The following SIRT1 variants were observed in gnomAD, a reference collection of about 807,000 sequenced individuals.
SIRT1 encodes the protein sirtuin 1, also known as NAD-dependent protein deacetylase sirtuin-1.
A neutral mutation model predicts 67.9 loss-of-function variants in SIRT1; 24 were observed. The ratio of observed to expected loss-of-function variants is 0.35; its 90% CI spans 0.26 to 0.50. SIRT1 has a LOEUF of 0.50. Ranked by LOEUF, SIRT1 falls within the 20% of genes least tolerant of loss-of-function variation. The pLI is 0.98. For synonymous variants in SIRT1, 378 were observed against 350.7 expected (o/e 1.08, Z -0.87); for missense variants, 873 against 937.2 (o/e 0.93, Z 0.89).
intron 4 of SIRT1, among the ~76,000 whole-genome samples, chr10:67,895,989 G>A (rs1436893832): frequency 1.3e-5 from 2 of 151,900 alleles, no homozygotes; most frequent in African/African-American, 4.8e-5. Flanking sequence ...TGATCCGCCC[G>A]CCTAGGCCAA....
intron 4 of SIRT1, among the ~76,000 whole-genome samples, chr10:67,893,016 T>C (rs1842597716): frequency 6.6e-6 from 1 of 152,260 alleles, no homozygotes; most frequent in Non-Finnish European, 1.5e-5. Context: ...CATTACACCA[T>C]TCTCAAGAGA....
At chr10:67,888,631 T>C (rs913649944) in intron 2 of SIRT1, among the ~76,000 whole-genome samples, 7 of 152,214 alleles carry the variant, frequency 4.6e-5, no homozygotes, top group African/African-American at 1.7e-4. Flanking sequence ...TTAATTCTGG[T>C]TGTTAATTAA....
chr10:67,908,009 T>C (rs774177393), intron 5 of SIRT1, 37 bp from the exon 6 acceptor site: 5 of 1,531,400 alleles, frequency 3.3e-6, no homozygotes, highest in Non-Finnish European at 4.5e-6. Flanking sequence ...ACAGAAATAC[T>C]TCTTTAATAA....
intron 4 of SIRT1, among the ~76,000 whole-genome samples, chr10:67,898,850 T>A (rs1361933537): frequency 6.6e-6 from 1 of 152,070 alleles, no homozygotes; most frequent in Non-Finnish European, 1.5e-5. Flanking sequence ...AGAAAAAACT[T>A]GGCTGTTTTA....
At chr10:67,894,620 T>TA (rs1842624239) in intron 4 of SIRT1, among the ~76,000 whole-genome samples, 1 of 152,166 alleles carries the variant, frequency 6.6e-6, no homozygotes, top group South Asian at 2.1e-4. Context: ...ACTCACTAGT[T>TA]ATGGAGAATA....
intron 7 of SIRT1, among the ~76,000 whole-genome samples, chr10:67,910,215 A>C (rs1208624804): frequency 3.3e-5 from 5 of 152,064 alleles, no homozygotes; most frequent in African/African-American, 1.2e-4. Flanking sequence ...TCTCTACTAA[A>C]AATACAAAAA....
At chr10:67,907,095 TAAA>T (rs1325588595) in intron 5 of SIRT1, among the ~76,000 whole-genome samples, 158 bp downstream of exon 5, 3 of 152,084 alleles carry the variant, frequency 2.0e-5, no homozygotes, top group Admixed American at 6.5e-5. Context: ...ACAAAAATAA[TAAA>T]AACAGAAGTA....
rs1323967226 is a variant in SIRT1 at position 67,884,788 on chromosome 10, G to A, written c.67G>A (p.Glu23Lys). 4.9e-6 allele frequency: 6 copies of A among 1,226,012 alleles called. No homozygotes were observed. The highest frequency in any genetic ancestry group is 6.1e-6 in the Non-Finnish European group (6 of 984,250). The allele number at this position is 1,226,012 out of a possible 1,614,324, so 75.9% of individuals were successfully genotyped here. Residue 23 changes from glutamate to lysine, a missense_variant, in exon 1 of 9, where the codon GAG becomes AAG. By Grantham distance (56) the Glu-to-Lys change is moderately conservative. This residue lies in a region of SIRT1 where 327 missense variants were observed against 283.9 expected (regional missense o/e 1.15). Transcript: ENST00000212015. ...GSPSAAGADR[E>K]AASSPAGEPL... is the part of the protein sequence containing the mutation. ...CCCCTCGGCGGCGGGGGCCGACAGG[G>A]AGGCCGCGTCGTCCCCCGCCGGGGA...
intron 1 of SIRT1, chr10:67,885,399 G>A: frequency 8.1e-7 from 1 of 1,229,426 alleles, no homozygotes; most frequent in Non-Finnish European, 1.0e-6. Context: ...GCAGCAGCCA[G>A]GTCGGGAGAC....
At chr10:67,908,868 C>G (rs1030333648) in intron 6 of SIRT1, among the ~76,000 whole-genome samples, 4 of 152,160 alleles carry the variant, frequency 2.6e-5, no homozygotes, top group African/African-American at 9.7e-5. Flanking sequence ...TGCCACTTCA[C>G]TCCAGGCTGG....
chr10:67,904,153 C>T (rs1402659267), intron 4 of SIRT1, among the ~76,000 whole-genome samples: 1 of 134,544 alleles, frequency 7.4e-6, no homozygotes, highest in East Asian at 2.3e-4. Flanking sequence ...TTTTTAAAGG[C>T]TCTCACTCTG....
chr10:67,912,374 C>A, intron 7 of SIRT1, 100 bp from the exon 8 acceptor site: 1 of 1,094,110 alleles, frequency 9.1e-7, no homozygotes, highest in Non-Finnish European at 1.3e-6. Flanking sequence ...GAATTTGGAG[C>A]TCAAGCCCTT....
At position 67,916,666 on chromosome 10, in the gene SIRT1, C is replaced by A; in HGVS notation, c.*73C>A. 7.9e-7 allele frequency: 1 copy of A among 1,267,592 alleles called. No individual in the cohort carries two copies. The allele number at this position is 1,267,592 out of a possible 1,614,324, so 78.5% of individuals were successfully genotyped here. A position where few individuals can be genotyped will look rare whatever the true frequency, so the allele number is the denominator to read the frequency against. On this transcript the variant is annotated 3_prime_UTR_variant, in exon 9 of 9. Transcript: ENST00000212015. ...TTTAGCATGTCAAAATGAATGTTTA[C>A]TTGTGAACTCGATAGAGCAAGGAAA...
chr10:67,915,933 A>G (rs1423040633), intron 8 of SIRT1, among the ~76,000 whole-genome samples: 1 of 152,228 alleles, frequency 6.6e-6, no homozygotes, highest in Non-Finnish European at 1.5e-5. Context: ...ACTTACAAAG[A>G]TACAATAAAT....
At position 67,885,149 on chromosome 10, in the gene SIRT1, G is replaced by T; in HGVS notation, c.428G>T (p.Arg143Leu). ...GCGGCGGCGGCGGCGATTGGGTACC[G>T]AGGTGCGCAGGGTGCGGGCGGCCGG... ...EEAAAAAIGY[R>L]DNLLFGDEII... The change falls in exon 1 of 9, where the codon CGA becomes CTA. Residue 143 changes from arginine (R) to leucine (L), a missense_variant and splice_region_variant. Arg to Leu is a moderately radical substitution (Grantham distance 102, BLOSUM62 -2). Coordinates refer to ENST00000212015, the MANE Select transcript of SIRT1 (RefSeq NM_012238.5). 7.1e-7 allele frequency: 1 copy of T among 1,401,890 alleles called. No individual in the cohort carries two copies. Among genetic ancestry groups the T allele is most frequent in the African/African-American group, 1.5e-5 (1 of 66,548 alleles). 86.8% of individuals were successfully genotyped at this position (1,401,890 alleles called of 1,614,324 possible).
chr10:67,899,599 C>G (rs932678435), intron 4 of SIRT1, among the ~76,000 whole-genome samples: 7 of 151,910 alleles, frequency 4.6e-5, no homozygotes, highest in African/African-American at 1.5e-4. Context: ...TGTTTTCTAT[C>G]TTTTTTCACC....
intron 5 of SIRT1, among the ~76,000 whole-genome samples, chr10:67,907,422 G>A (rs1013792868): frequency 6.7e-6 from 1 of 148,874 alleles, no homozygotes. Flanking sequence ...TTGAACCTGG[G>A]AGTTGGAGGT....
intron 1 of SIRT1, 83 bp from the exon 2 acceptor site, chr10:67,887,334 T>A (rs1327653612): frequency 3.5e-6 from 3 of 854,220 alleles, no homozygotes; most frequent in African/African-American, 1.7e-5. Flanking sequence ...CTGTACTCGA[T>A]GAAAATGATT....
chr10:67,916,537 G>A lies in SIRT1; in HGVS notation c.2188G>A (p.Ala730Thr). The A allele has an allele frequency of 6.2e-7, 1 of 1,614,106 alleles. No individual in the cohort carries two copies. The highest frequency in any genetic ancestry group is 1.1e-5 in the South Asian group (1 of 91,074). Residue 730 changes from alanine to threonine, a missense_variant, in exon 9 of 9, where the codon GCT (alanine) becomes ACT (threonine). Physicochemically the swap from Ala to Thr is moderately conservative, Grantham distance 58. Around this residue, in one of 3 missense-constraint regions of SIRT1, gnomAD observed 295 missense variants for 294.5 expected, o/e 1.00. Coordinates refer to ENST00000212015, the MANE Select transcript of SIRT1 (RefSeq NM_012238.5). ...AGATGATCAAGAGGCAATTAATGAA[G>A]CTATATCTGTGAAACAGGAAGTAAC... Reference protein sequence around the residue: ...DGDDQEAINEAISVKQEVTDM... With the variant: ...DGDDQEAINETISVKQEVTDM...
Sources: gnomAD v4.1 joint callset for allele counts (sites outside exome capture counted in the v4.1 genomes callset) on GRCh38, gnomAD v4.1.1 for gene constraint, gnomAD v4.1.1 regional missense constraint, MANE v1.5 for transcripts, NCBI Gene and HGNC (gene_info 2026-07-23, HGNC 2026-07-21) for gene names.